The following E2F5 variants were observed in gnomAD, a reference collection of about 807,000 sequenced individuals.
E2F5 encodes the protein E2F transcription factor 5, also known as transcription factor E2F5.
In E2F5, 23 loss-of-function variants were observed where a neutral mutation model predicts 39.1. The ratio of observed to expected loss-of-function variants is 0.59; its 90% CI spans 0.42 to 0.83. The LOEUF is 0.83. E2F5 is among the 40% of genes least tolerant of loss of function. E2F5 has a pLI of 0.00. For synonymous variants in E2F5, 145 were observed against 157.8 expected, an observed-to-expected ratio of 0.92 and a Z score of 0.61; for missense variants, 365 against 406.7, an observed-to-expected ratio of 0.90 and a Z score of 0.88.
intron 3 of E2F5, 154 bp from the exon 4 acceptor site, chr8:85,206,022 AC>A: frequency 1.5e-6 from 1 of 651,170 alleles, no homozygotes; most frequent in South Asian, 1.8e-5. Context: ...CTTTGTCTTT[AC>A]CTTTCTAGAC....
rs1812920831 is a variant in E2F5 at position 85,211,580 on chromosome 8, A to G, written c.884-577A>G. On this transcript the variant is annotated intron_variant, in intron 6 of 7. Transcript: ENST00000416274. ...AGTTTTAAGGTTGAATAACTGGGAG[A>G]ATTATGAAACTACTGACTAAAACTG... 2.0e-5 allele frequency among the ~76,000 whole-genome samples: 3 copies of G among 150,808 alleles called. No homozygotes were observed. In the South Asian group the frequency reaches 6.3e-4, roughly 32 times the overall value.
chr8:85,204,409 G>A (rs1262637977), intron 3 of E2F5, among the ~76,000 whole-genome samples: 1 of 151,318 alleles, frequency 6.6e-6, no homozygotes, highest in East Asian at 2.0e-4. Context: ...GATGACGCTG[G>A]AAACCATCAT....
Position 85,207,280 on chromosome 8 carries a change from C to A in E2F5, c.551-145C>A, listed in dbSNP as rs1021610714. The A allele has an allele frequency of 4.9e-6, 3 of 606,196 alleles. No homozygotes were observed. In the African/African-American group the frequency reaches 5.6e-5, roughly 11 times the overall value. The allele number at this position is 606,196 out of a possible 1,614,324, so 37.6% of individuals were successfully genotyped here. On this transcript the variant is annotated intron_variant, in intron 4 of 7. Transcript: ENST00000416274. The stretch of plus-strand genomic sequence containing the variant: ...ATCTATGCAGTAGGTTGTGTATCCC[C>A]CATTTTATAGAATTGAAAATCAAAG...
intron 1 of E2F5, among the ~76,000 whole-genome samples, chr8:85,182,370 A>T (rs2136039817): frequency 6.6e-6 from 1 of 152,392 alleles, no homozygotes; most frequent in African/African-American, 2.4e-5. Flanking sequence ...AAGATAGGTT[A>T]GATAACTTGC....
At chr8:85,198,830 A>G (rs1812634032) in intron 1 of E2F5, among the ~76,000 whole-genome samples, 1 of 152,006 alleles carries the variant, frequency 6.6e-6, no homozygotes, top group African/African-American at 2.4e-5. Flanking sequence ...TCTAGCTTGG[A>G]TCTCTCCCCT....
chr8:85,206,179 T>C lies in E2F5; in HGVS notation c.509T>C (p.Phe170Ser). Residue 170 changes from phenylalanine (F) to serine (S), a missense_variant and splice_region_variant, in exon 4 of 8, where the codon TTT becomes TCT. Physicochemically the swap from Phe to Ser is radical, Grantham distance 155. Transcript: ENST00000416274. ...NVMDDSINNR[F>S]SYVTHEDICN... Reference sequence around the variant, plus strand: ...TTCCTTAACTCCTATGACAGTACATTTTCCTATGTAACTCATGAAGACATC... The same window carrying C: ...TTCCTTAACTCCTATGACAGTACATCTTCCTATGTAACTCATGAAGACATC... The C allele has an allele frequency of 6.2e-7, 1 of 1,613,240 alleles. No homozygotes were observed. The highest frequency in any genetic ancestry group is 1.7e-4 in the Middle Eastern group (1 of 6,056).
At chr8:85,211,946 A>T (rs1024653436) in intron 6 of E2F5, among the ~76,000 whole-genome samples, 1 of 151,976 alleles carries the variant, frequency 6.6e-6, no homozygotes, top group African/African-American at 2.4e-5. Context: ...CCTGGCAGAT[A>T]ATGAGTCTTT....
In E2F5 at chr8:85,177,412, C is replaced by T. The variant is rs1186834779; in HGVS notation, c.-9C>T. The T allele has an allele frequency of 2.0e-6, 2 of 987,832 alleles. No individual in the cohort carries two copies. Among genetic ancestry groups the T allele is most frequent in the East Asian group, 1.1e-4 (1 of 8,974 alleles). 61.2% of individuals were successfully genotyped at this position (987,832 alleles called of 1,614,324 possible). On this transcript the variant is annotated 5_prime_UTR_variant, in exon 1 of 8. Coordinates refer to ENST00000416274, the MANE Select transcript of E2F5 (RefSeq NM_001951.4). ...CGCGGGGGCCCGACCACCGCGGGGC[C>T]GGGACGCGATGGCGGCGGCAGAGCC...
chr8:85,199,635 T>A (rs1160210507), intron 1 of E2F5, among the ~76,000 whole-genome samples: 1 of 152,164 alleles, frequency 6.6e-6, no homozygotes, highest in Non-Finnish European at 1.5e-5. Context: ...CACACAACTT[T>A]TTCAAACACT....
rs1240101565 is a variant in E2F5, at chr8:85,195,914, CT to C, written c.235-6226del. 2.6e-5 allele frequency among the ~76,000 whole-genome samples: 4 copies of C among 152,006 alleles called. No individual in the cohort carries two copies. In the East Asian group the frequency reaches 5.8e-4, roughly 22 times the overall value. On this transcript the variant is annotated intron_variant, in intron 1 of 7. Transcript: ENST00000416274. ...GTTAAATAGGCACTTTATCAAATAT[CT>C]TTTTTTCATTTGAGTCATCTTTGAT...
intron 1 of E2F5, 78 bp downstream of exon 1, chr8:85,177,732 G>A: frequency 8.6e-7 from 1 of 1,164,494 alleles, no homozygotes; most frequent in Non-Finnish European, 1.1e-6. Context: ...CGCCGCGTGG[G>A]TCTAGCGGCG....
intron 3 of E2F5, among the ~76,000 whole-genome samples, chr8:85,205,793 C>G (rs1812791139): frequency 6.6e-6 from 1 of 152,126 alleles, no homozygotes; most frequent in African/African-American, 2.4e-5. Context: ...GTGGCCATAC[C>G]TGACCATTTA....
intron 1 of E2F5, among the ~76,000 whole-genome samples, chr8:85,185,546 C>G (rs945272455): frequency 6.6e-6 from 1 of 152,116 alleles, no homozygotes; most frequent in Admixed American, 6.5e-5. Flanking sequence ...TTCTGCACAG[C>G]AAAAGAAACT....
At chr8:85,188,943 A>C (rs1812404107) in intron 1 of E2F5, among the ~76,000 whole-genome samples, 1 of 152,110 alleles carries the variant, frequency 6.6e-6, no homozygotes, top group African/African-American at 2.4e-5. Flanking sequence ...AGATAGTGTA[A>C]TCTCTTATAT....
At chr8:85,202,695 T>C (rs552906889) in intron 2 of E2F5, among the ~76,000 whole-genome samples, 24 of 152,336 alleles carry the variant, frequency 1.6e-4, no homozygotes, top group Non-Finnish European at 2.8e-4. Flanking sequence ...CCTTTGACCA[T>C]AGTTTTTGTC....
chr8:85,194,869 A>T (rs1812548486), intron 1 of E2F5, among the ~76,000 whole-genome samples: 2 of 151,424 alleles, frequency 1.3e-5, no homozygotes, highest in South Asian at 4.2e-4. Flanking sequence ...TTTAATTTTT[A>T]AAATTTTTGT....
intron 5 of E2F5, 69 bp downstream of exon 5, chr8:85,207,558 T>C (rs1308330528): frequency 7.5e-7 from 1 of 1,324,884 alleles, no homozygotes; most frequent in Non-Finnish European, 1.0e-6. Flanking sequence ...GGATATTTTC[T>C]TTAGCTGAAT....
At chr8:85,209,577 C>T (rs1587501159) in intron 6 of E2F5, among the ~76,000 whole-genome samples, 168 bp downstream of exon 6, 1 of 152,214 alleles carries the variant, frequency 6.6e-6, no homozygotes, top group African/African-American at 2.4e-5. Flanking sequence ...CAAGTCTAAA[C>T]ACAGTATTCA....
chr8:85,201,411 C>A (rs758950717), intron 1 of E2F5, among the ~76,000 whole-genome samples: 3 of 152,124 alleles, frequency 2.0e-5, no homozygotes, highest in Non-Finnish European at 4.4e-5. Context: ...TCTCTTTGTT[C>A]TTTTGGGAAC....
Sources: gnomAD v4.1 joint callset for allele counts (sites outside exome capture counted in the v4.1 genomes callset) on GRCh38, gnomAD v4.1.1 for gene constraint, MANE v1.5 for transcripts, NCBI Gene and HGNC (gene_info 2026-07-23, HGNC 2026-07-21) for gene names.